Variants in MECOM observed in about 807,000 individuals in gnomAD.
The protein encoded by MECOM is histone-lysine N-methyltransferase MECOM.
Under a neutral mutation model 116.3 loss-of-function variants are expected in MECOM, and 13 were observed. The observed-to-expected ratio is 0.11, with a 90% CI of 0.07 to 0.18. The LOEUF is 0.18. Ranked by LOEUF, MECOM falls within the 10% of genes least tolerant of loss-of-function variation. The pLI is 1.00. For synonymous variants in MECOM, 528 were observed against 535.2 expected, an observed-to-expected ratio of 0.99 and a Z score of 0.19; for missense variants, 1,299 against 1,509.0, an observed-to-expected ratio of 0.86 and a Z score of 2.31.
chr3:169,371,071 A>G (rs147069961), intron 2 of MECOM, among the ~76,000 whole-genome samples: 3 of 152,154 alleles, frequency 2.0e-5, no homozygotes, highest in African/African-American at 7.2e-5. Flanking sequence ...TCACATAGTC[A>G]TTGACTGCAA....
intron 2 of MECOM, among the ~76,000 whole-genome samples, chr3:169,148,276 C>T (rs1740495133): frequency 6.6e-6 from 1 of 152,112 alleles, no homozygotes; most frequent in Admixed American, 6.5e-5. Flanking sequence ...GTGCAATAAG[C>T]AATTTGACGA....
intron 1 of MECOM, chr3:169,484,183 C>T (rs1260002845): frequency 1.6e-6 from 1 of 614,554 alleles, no homozygotes; most frequent in Non-Finnish European, 2.9e-6. Flanking sequence ...CCCATTACTG[C>T]TTGCACTTAT....
intron 5 of MECOM, among the ~76,000 whole-genome samples, chr3:169,126,529 A>G (rs1732909989): frequency 6.6e-6 from 1 of 152,000 alleles, no homozygotes; most frequent in African/African-American, 2.4e-5. Flanking sequence ...AAACATACAT[A>G]ATTGATTTAT....
chr3:169,279,617 T>C (rs1327156029), intron 2 of MECOM, among the ~76,000 whole-genome samples: 3 of 152,204 alleles, frequency 2.0e-5, no homozygotes, highest in Non-Finnish European at 4.4e-5. Flanking sequence ...TTTGTGCATG[T>C]ATGTGGCTTT....
chr3:169,659,286 A>G (rs917058460), intron 1 of MECOM, among the ~76,000 whole-genome samples: 2 of 151,984 alleles, frequency 1.3e-5, no homozygotes, highest in African/African-American at 4.8e-5. Context: ...CATGCACTCT[A>G]TAGCCAAGAC....
intron 2 of MECOM, among the ~76,000 whole-genome samples, chr3:169,354,337 G>A (rs1442937277): frequency 6.6e-6 from 1 of 151,672 alleles, no homozygotes; most frequent in African/African-American, 2.4e-5. Flanking sequence ...AAAACCTAAT[G>A]CCTACAGTTT....
At chr3:169,204,330 C>A (rs1749618560) in intron 2 of MECOM, among the ~76,000 whole-genome samples, 1 of 152,156 alleles carries the variant, frequency 6.6e-6, no homozygotes, top group African/African-American at 2.4e-5. Flanking sequence ...TTGTTCTATG[C>A]CCCTTTTTCA....
chr3:169,468,489 T>C (rs2108772776), intron 1 of MECOM, among the ~76,000 whole-genome samples: 1 of 152,086 alleles, frequency 6.6e-6, no homozygotes, highest in Admixed American at 6.6e-5. Context: ...ACCATATTTG[T>C]CTTATTTACT....
intron 1 of MECOM, among the ~76,000 whole-genome samples, chr3:169,480,755 C>A (rs1241932349): frequency 6.6e-6 from 1 of 152,094 alleles, no homozygotes; most frequent in Non-Finnish European, 1.5e-5. Context: ...TCCTAGAAGC[C>A]TGTGCTTTTC....
chr3:169,410,835 T>G (rs1737444782), intron 1 of MECOM, among the ~76,000 whole-genome samples: 1 of 152,202 alleles, frequency 6.6e-6, no homozygotes, highest in Admixed American at 6.5e-5. Context: ...GACAAAATAA[T>G]TGACAATGCA....
intron 1 of MECOM, among the ~76,000 whole-genome samples, chr3:169,626,483 C>CCT (rs143670750): frequency 2.0e-5 from 3 of 150,998 alleles, no homozygotes; most frequent in East Asian, 1.9e-4. Flanking sequence ...TGTAACTATT[C>CCT]CTCTCTCTCT....
chr3:169,188,158 ATACCTG>A (rs1747018097), intron 2 of MECOM, among the ~76,000 whole-genome samples: 1 of 152,088 alleles, frequency 6.6e-6, no homozygotes, highest in Non-Finnish European at 1.5e-5. Flanking sequence ...TTCTCTCTCA[ATACCTG>A]ACAACCTTTT....
intron 2 of MECOM, among the ~76,000 whole-genome samples, chr3:169,159,270 A>G (rs1251006830): frequency 1.3e-5 from 2 of 152,170 alleles, no homozygotes; most frequent in Admixed American, 6.5e-5. Flanking sequence ...TAGTATCTCT[A>G]AAATTGCAGG....
intron 1 of MECOM, among the ~76,000 whole-genome samples, chr3:169,405,729 C>T (rs1483199451): frequency 6.6e-6 from 1 of 152,164 alleles, no homozygotes; most frequent in East Asian, 1.9e-4. Flanking sequence ...TAACTGTTCC[C>T]CTTCCCCTAA....
intron 1 of MECOM, among the ~76,000 whole-genome samples, chr3:169,413,993 T>A (rs1738062654): frequency 6.6e-6 from 1 of 152,196 alleles, no homozygotes; most frequent in South Asian, 2.1e-4. Flanking sequence ...GCCTGCCTGC[T>A]CTGAAGAGAG....
At chr3:169,594,888 A>AC (rs1766952013) in intron 1 of MECOM, among the ~76,000 whole-genome samples, 1 of 151,130 alleles carries the variant, frequency 6.6e-6, no homozygotes, top group African/African-American at 2.4e-5. Context: ...GAAAAAAAAA[A>AC]AAACAAAAAA....
intron 2 of MECOM, among the ~76,000 whole-genome samples, chr3:169,222,808 C>T (rs567734342): frequency 6.6e-6 from 1 of 152,200 alleles, no homozygotes; most frequent in Non-Finnish European, 1.5e-5. Flanking sequence ...CACAAAGTAA[C>T]CTTGCTGAAG....
chr3:169,100,996 G>T (rs1186125033), intron 11 of MECOM, 34 bp from the exon 12 acceptor site: 1 of 1,509,372 alleles, frequency 6.6e-7, no homozygotes. Context: ...GAGAAAGTCA[G>T]CACAGTTGAC....
intron 1 of MECOM, among the ~76,000 whole-genome samples, chr3:169,409,196 G>A (rs533157390): frequency 3.9e-5 from 6 of 152,296 alleles, no homozygotes; most frequent in African/African-American, 1.2e-4. Flanking sequence ...TGAGAAGAGC[G>A]ACTCTCACAG....
Sources: gnomAD v4.1 joint callset for allele counts (sites outside exome capture counted in the v4.1 genomes callset) on GRCh38, gnomAD v4.1.1 for gene constraint, MANE v1.5 for transcripts, NCBI Gene and HGNC (gene_info 2026-07-23, HGNC 2026-07-21) for gene names.